The following SHISA9 variants were observed in gnomAD, a reference collection of about 807,000 sequenced individuals.
SHISA9 encodes protein shisa-9.
A neutral mutation model predicts 38.0 loss-of-function variants in SHISA9; 13 were observed. That is an observed-to-expected ratio of 0.34 (90% CI 0.22 to 0.54). The LOEUF (loss-of-function observed/expected upper bound fraction) is 0.54. Among genes scored for constraint, SHISA9 ranks in the 20% least tolerant of loss-of-function variants. The probability of loss-of-function intolerance (pLI) is 0.91; values close to 1 mark genes in which losing one functional copy is unlikely to be tolerated. For synonymous variants in SHISA9, 275 were observed against 242.0 expected, an observed-to-expected ratio of 1.14 and a Z score of -1.27; for missense variants, 538 against 575.8, an observed-to-expected ratio of 0.93 and a Z score of 0.67.
At chr16:13,019,918 T>TCTTC (rs2141864042) in intron 2 of SHISA9, among the ~76,000 whole-genome samples, 1 of 86,258 alleles carries the variant, frequency 1.2e-5, no homozygotes, top group East Asian at 2.7e-4. Context: ...TTTCTTTCTT[T>TCTTC]CTTTCTTTCT....
intron 2 of SHISA9, among the ~76,000 whole-genome samples, chr16:12,941,179 C>G (rs969048564): frequency 2.0e-5 from 3 of 152,084 alleles, no homozygotes; most frequent in Non-Finnish European, 4.4e-5. Context: ...TGGTGAAATG[C>G]TGTCTCCACT....
intron 2 of SHISA9, among the ~76,000 whole-genome samples, chr16:13,086,095 C>T (rs976358612): frequency 3.9e-5 from 6 of 152,064 alleles, no homozygotes; most frequent in African/African-American, 9.7e-5. Context: ...CAGTGGCTCA[C>T]GCCTGTAATC....
chr16:13,188,716 CAAA>C (rs35558481), intron 2 of SHISA9, among the ~76,000 whole-genome samples: 16 of 79,326 alleles, frequency 2.0e-4, no homozygotes, highest in African/African-American at 5.7e-4. Context: ...GACCCTGTTT[CAAA>C]AAAAAAAAAA....
chr16:13,413,903 C>A, the SHISA9 span, among the ~76,000 whole-genome samples: 17,294 of 151,706 alleles, frequency 0.11, 1,291 homozygotes, highest in Non-Finnish European at 0.17. Context: ...AATGAGACTT[C>A]TAAGTTAAAC....
intron 2 of SHISA9, among the ~76,000 whole-genome samples, chr16:12,981,390 T>C (rs1263096578): frequency 1.3e-5 from 2 of 152,224 alleles, no homozygotes; most frequent in Non-Finnish European, 2.9e-5. Context: ...AGAGCCATAC[T>C]CCTTCAACCC....
chr16:13,294,282 C>T, the SHISA9 span, among the ~76,000 whole-genome samples: 1 of 152,258 alleles, frequency 6.6e-6, no homozygotes, highest in South Asian at 2.1e-4. Context: ...GATTGGCTGC[C>T]CCAGGATGGG....
chr16:13,212,079 C>T (rs747112776), intron 3 of SHISA9, among the ~76,000 whole-genome samples: 4 of 152,268 alleles, frequency 2.6e-5, no homozygotes, highest in Admixed American at 6.5e-5. Context: ...TCCTTTGGCA[C>T]GCCTGGGGAG....
At chr16:13,385,876 T>A in the SHISA9 span, among the ~76,000 whole-genome samples, 3 of 152,194 alleles carry the variant, frequency 2.0e-5, no homozygotes, top group African/African-American at 7.2e-5. Flanking sequence ...AAAGGAATTA[T>A]GCTGAGTGAA....
At chr16:13,431,919 G>A in the SHISA9 span, among the ~76,000 whole-genome samples, 3 of 152,064 alleles carry the variant, frequency 2.0e-5, no homozygotes, top group Admixed American at 1.3e-4. Context: ...AAATTAGCCA[G>A]GCTTGGTGGC....
At chr16:13,230,679 T>C (rs1037641473) in intron 4 of SHISA9, among the ~76,000 whole-genome samples, 2 of 151,906 alleles carry the variant, frequency 1.3e-5, no homozygotes, top group Non-Finnish European at 2.9e-5. Context: ...TCAGGGCGAG[T>C]CCATAGAGTA....
At chr16:13,462,791 G>C in the SHISA9 span, among the ~76,000 whole-genome samples, 1 of 151,732 alleles carries the variant, frequency 6.6e-6, no homozygotes, top group East Asian at 1.9e-4. Flanking sequence ...GTGAAACCGC[G>C]TCTCTACTAA....
chr16:13,257,213 A>G, the SHISA9 span, among the ~76,000 whole-genome samples: 1 of 152,196 alleles, frequency 6.6e-6, no homozygotes, highest in Non-Finnish European at 1.5e-5. Context: ...TTTTCTTTCT[A>G]GCACTGTTGC....
chr16:13,267,828 A>C, the SHISA9 span, among the ~76,000 whole-genome samples: 12,622 of 150,856 alleles, frequency 0.084, 589 homozygotes, highest in South Asian at 0.18. Context: ...GAATTTGGCC[A>C]GGTATTTGTA....
intron 2 of SHISA9, among the ~76,000 whole-genome samples, chr16:13,133,466 C>T (rs1292664065): frequency 2.6e-5 from 4 of 152,166 alleles, no homozygotes; most frequent in African/African-American, 7.2e-5. Context: ...CCAGTTCCTT[C>T]CCGAATGCTC....
chr16:13,113,301 G>A (rs1487474106), intron 2 of SHISA9, among the ~76,000 whole-genome samples: 1 of 151,836 alleles, frequency 6.6e-6, no homozygotes, highest in Non-Finnish European at 1.5e-5. Flanking sequence ...TTGTTGCAGT[G>A]ATGATGGTGG....
the SHISA9 span, among the ~76,000 whole-genome samples, chr16:13,384,060 G>C: frequency 6.6e-6 from 1 of 152,160 alleles, no homozygotes; most frequent in African/African-American, 2.4e-5. Context: ...AATGGTTAAC[G>C]TTAGGAGAGA....
chr16:13,548,399 G>T, the SHISA9 span, among the ~76,000 whole-genome samples: 2 of 152,060 alleles, frequency 1.3e-5, no homozygotes, highest in African/African-American at 4.8e-5. Context: ...TACAATGAAG[G>T]AAACAACAGA....
At chr16:12,974,192 A>G (rs2072123694) in intron 2 of SHISA9, among the ~76,000 whole-genome samples, 1 of 152,180 alleles carries the variant, frequency 6.6e-6, no homozygotes, top group Admixed American at 6.5e-5. Context: ...TTCACTGCTC[A>G]TGACTCAAAT....
At chr16:13,295,413 C>T in the SHISA9 span, among the ~76,000 whole-genome samples, 1 of 152,146 alleles carries the variant, frequency 6.6e-6, no homozygotes, top group African/African-American at 2.4e-5. Context: ...CACAACCAAT[C>T]CTTCAAAAAT....
Sources: gnomAD v4.1 joint callset for allele counts (sites outside exome capture counted in the v4.1 genomes callset) on GRCh38, gnomAD v4.1.1 for gene constraint, MANE v1.5 for transcripts, NCBI Gene and HGNC (gene_info 2026-07-23, HGNC 2026-07-21) for gene names.